The following PCDHA2 variants were observed in gnomAD, a reference collection of about 807,000 sequenced individuals.
The protein encoded by PCDHA2 is protocadherin alpha-2.
In PCDHA2, 58 loss-of-function variants were observed where a neutral mutation model predicts 66.0. That is an observed-to-expected ratio of 0.88 (90% CI 0.71 to 1.09). The LOEUF (loss-of-function observed/expected upper bound fraction) is 1.09, where lower values mean the gene tolerates loss of function less well. PCDHA2 is among the 50% of genes least tolerant of loss of function. The pLI is 0.00. For synonymous variants in PCDHA2, 634 were observed against 554.0 expected, an observed-to-expected ratio of 1.14 and a Z score of -2.03; for missense variants, 1,267 against 1,242.3, an observed-to-expected ratio of 1.02 and a Z score of -0.30.
chr5:140,927,624 G>A (rs1554204821), intron 1 of PCDHA2: 3 of 1,614,212 alleles, frequency 1.9e-6, no homozygotes, highest in Non-Finnish European at 2.5e-6. Context: ...AGGTTCCAGA[G>A]ACTGCACCCA....
At chr5:140,896,673 G>T (rs962137649) in intron 1 of PCDHA2, among the ~76,000 whole-genome samples, 1 of 152,000 alleles carries the variant, frequency 6.6e-6, no homozygotes, top group African/African-American at 2.4e-5. Context: ...CACTGTGCCC[G>T]GCCCTTTGCC....
intron 1 of PCDHA2, chr5:140,834,892 A>G (rs2150228741): frequency 1.2e-6 from 2 of 1,604,044 alleles, no homozygotes; most frequent in African/African-American, 2.7e-5. Flanking sequence ...CTGCTCACTT[A>G]CAGACTGAGC....
chr5:140,845,303 T>C (rs937124524), intron 1 of PCDHA2, among the ~76,000 whole-genome samples: 1 of 149,684 alleles, frequency 6.7e-6, no homozygotes, highest in African/African-American at 2.4e-5. Flanking sequence ...TATGTCTACC[T>C]GGTTCTCAGG....
intron 1 of PCDHA2, chr5:140,860,800 C>A (rs1270356784): frequency 1.3e-5 from 2 of 152,198 alleles, no homozygotes; most frequent in Non-Finnish European, 2.9e-5. Context: ...TGCAGTGGCA[C>A]GATCTCGGCT....
chr5:140,879,532 C>T (rs1189647724), intron 1 of PCDHA2, among the ~76,000 whole-genome samples: 1 of 152,146 alleles, frequency 6.6e-6, no homozygotes, highest in Admixed American at 6.5e-5. Context: ...TTGGGAACAA[C>T]TCCTTTAGAG....
At chr5:140,901,539 A>G (rs192107124) in intron 1 of PCDHA2, among the ~76,000 whole-genome samples, 2 of 152,070 alleles carry the variant, frequency 1.3e-5, no homozygotes, top group East Asian at 1.9e-4. Context: ...TTGGTTCTCT[A>G]TTCTGTTCCA....
intron 1 of PCDHA2, among the ~76,000 whole-genome samples, chr5:140,838,076 T>C (rs13170073): frequency 3.2e-5 from 1 of 31,122 alleles, no homozygotes; most frequent in African/African-American, 2.4e-4. Flanking sequence ...TATATATATA[T>C]AGTGTGTGTG....
chr5:140,836,608 C>T (rs2150265408), intron 1 of PCDHA2: 1 of 1,613,636 alleles, frequency 6.2e-7, no homozygotes, highest in Non-Finnish European at 8.5e-7. Context: ...CTGGTGTGCT[C>T]CAGCGCGGTG....
chr5:140,869,072 G>T, intron 1 of PCDHA2: 4 of 1,574,396 alleles, frequency 2.5e-6, no homozygotes, highest in Non-Finnish European at 2.6e-6. Flanking sequence ...TAAGTGTAAA[G>T]AAGCTTATTT....
At chr5:140,836,234 T>C (rs1774307282) in intron 1 of PCDHA2, 1 of 1,613,668 alleles carries the variant, frequency 6.2e-7, no homozygotes, top group Admixed American at 1.7e-5. Flanking sequence ...TGGCGGCCGG[T>C]GCGAGCATCC....
chr5:141,001,488 ATGCTAGCCCAGGT>A (rs1261759985), intron 3 of PCDHA2, among the ~76,000 whole-genome samples: 3 of 152,210 alleles, frequency 2.0e-5, no homozygotes, highest in Non-Finnish European at 4.4e-5. Flanking sequence ...AGTGCTGGAA[ATGCTAGCCCAGGT>A]GGGCTTAGCT....
intron 3 of PCDHA2, among the ~76,000 whole-genome samples, chr5:140,994,339 A>T (rs1279466681): frequency 6.6e-6 from 1 of 152,146 alleles, no homozygotes; most frequent in Non-Finnish European, 1.5e-5. Context: ...TGAACAGTGG[A>T]TGTTGTGGGA....
chr5:140,927,822 T>A (rs1554205109), intron 1 of PCDHA2: 1 of 1,614,152 alleles, frequency 6.2e-7, no homozygotes, highest in Admixed American at 1.7e-5. Context: ...AGGCATACAT[T>A]GAGGCGAGGG....
At chr5:140,846,407 C>G (rs1780453482) in intron 1 of PCDHA2, among the ~76,000 whole-genome samples, 4 of 124,998 alleles carry the variant, frequency 3.2e-5, no homozygotes, top group Admixed American at 1.8e-4. Context: ...CGGAGTCTCG[C>G]TCTATCTCCC....
chr5:140,843,844 A>G lies in PCDHA2; in HGVS notation c.2388+46492A>G, dbSNP rs2150367130. Reference sequence around the variant, plus strand: ...TTTAAACATTGTTTAGTTTTTAGAAACCTTTTATAATTAATTGAATTTTCT... The same window carrying G: ...TTTAAACATTGTTTAGTTTTTAGAAGCCTTTTATAATTAATTGAATTTTCT... On this transcript the variant is annotated intron_variant, in intron 1 of 3. Coordinates refer to ENST00000526136, the MANE Select transcript of PCDHA2 (RefSeq NM_018905.3). 3.0e-6 allele frequency: 3 copies of G among 1,001,290 alleles called. No individual in the cohort carries two copies. The East Asian group carries it at 7.5e-5, about 25-fold the overall frequency. 62.0% of individuals were successfully genotyped at this position (1,001,290 alleles called of 1,614,324 possible). A position where few individuals can be genotyped will look rare whatever the true frequency, so the allele number is the denominator to read the frequency against.
rs2150119705 is a variant in PCDHA2, at chr5:140,822,833, C to A, written c.2388+25481C>A. The stretch of plus-strand genomic sequence containing the variant: ...AATACCCCAGAGATGGCCATAACCA[C>A]CCTTTTCCTGCCTGTCAAAGAGGAC... On this transcript the variant is annotated intron_variant, in intron 1 of 3. Coordinates refer to ENST00000526136, the MANE Select transcript of PCDHA2 (RefSeq NM_018905.3). The A allele has an allele frequency of 0.011, 17,399 of 1,614,148 alleles. 1,609 individuals carry two copies. In the African/African-American group the frequency reaches 0.2, roughly 19 times the overall value.
At chr5:140,927,481 G>C in intron 1 of PCDHA2, 2 of 1,614,072 alleles carry the variant, frequency 1.2e-6, no homozygotes, top group Non-Finnish European at 1.7e-6. Context: ...CGAACAGCGC[G>C]CCACCCACCT....
rs2150435821 is a variant in PCDHA2 at position 140,849,360 on chromosome 5, A to G, written c.2388+52008A>G. ...CTTCTCCAGTGATGTTTCTCCAGAT[A>G]TAAAATCCAAGTTCCACATGGACCC... On this transcript the variant is annotated intron_variant, in intron 1 of 3. Transcript: ENST00000526136. The G allele has an allele frequency of 6.8e-6, 10 of 1,467,526 alleles. No homozygotes were observed. In the African/African-American group the frequency reaches 1.1e-4, roughly 16 times the overall value. The allele number at this position is 1,467,526 out of a possible 1,614,324, so 90.9% of individuals were successfully genotyped here. A position where few individuals can be genotyped will look rare whatever the true frequency, so the allele number is the denominator to read the frequency against.
rs2150339542 is a variant in PCDHA2 at position 140,842,572 on chromosome 5, A to T, written c.2388+45220A>T. 7.8e-6 allele frequency: 12 copies of T among 1,538,104 alleles called. 2 individuals carry two copies. In the South Asian group the frequency reaches 8.0e-5, roughly 10 times the overall value. On this transcript the variant is annotated intron_variant, in intron 1 of 3. Transcript: ENST00000526136. Reference sequence around the variant, plus strand: ...TGGACAGCGCCCTGGACCGCGAGAGAGTGTCGGCCTATGAGTTGGTGGTAA... The same window carrying T: ...TGGACAGCGCCCTGGACCGCGAGAGTGTGTCGGCCTATGAGTTGGTGGTAA...
Sources: gnomAD v4.1 joint callset for allele counts (sites outside exome capture counted in the v4.1 genomes callset) on GRCh38, gnomAD v4.1.1 for gene constraint, MANE v1.5 for transcripts, NCBI Gene and HGNC (gene_info 2026-07-23, HGNC 2026-07-21) for gene names.